The following XYLT1 variants were observed in gnomAD, a reference collection of about 807,000 sequenced individuals.
XYLT1 encodes beta-D-xylosyltransferase 1.
A neutral mutation model predicts 91.3 loss-of-function variants in XYLT1; 36 were observed. The ratio of observed to expected loss-of-function variants is 0.39; its 90% confidence interval spans 0.30 to 0.52. The LOEUF (loss-of-function observed/expected upper bound fraction) is 0.52, where lower values mean the gene tolerates loss of function less well. Among genes scored for constraint, XYLT1 ranks in the 20% least tolerant of loss-of-function variants. The pLI is 0.68. For missense variants in XYLT1, 1,242 were observed against 1,284.5 expected (o/e 0.97, Z 0.51); for synonymous variants, 588 against 532.0 (o/e 1.11, Z -1.45).
chr16:17,362,542 A>C (rs1197527895), intron 1 of XYLT1, among the ~76,000 whole-genome samples: 3 of 152,196 alleles, frequency 2.0e-5, no homozygotes, highest in Non-Finnish European at 4.4e-5. Context: ...GAGCAATGAA[A>C]CTTGTCTACA....
intron 1 of XYLT1, among the ~76,000 whole-genome samples, chr16:17,451,034 T>A (rs562366134): frequency 4.1e-4 from 62 of 152,308 alleles, no homozygotes; most frequent in African/African-American, 1.5e-3. Context: ...GGTGGAGTGA[T>A]AATAACTGCA....
At chr16:17,131,608 G>A (rs2030480173) in intron 9 of XYLT1, among the ~76,000 whole-genome samples, 3 of 152,096 alleles carry the variant, frequency 2.0e-5, no homozygotes, top group African/African-American at 7.2e-5. Flanking sequence ...CCTTATTTCT[G>A]GATGGTAGAT....
intron 3 of XYLT1, among the ~76,000 whole-genome samples, chr16:17,222,584 G>C (rs946101202): frequency 6.6e-6 from 1 of 152,094 alleles, no homozygotes; most frequent in Non-Finnish European, 1.5e-5. Flanking sequence ...GACGTCACGA[G>C]TTCAAGATCA....
intron 4 of XYLT1, 125 bp downstream of exon 4, chr16:17,200,357 G>T: frequency 8.2e-7 from 1 of 1,221,542 alleles, no homozygotes; most frequent in Non-Finnish European, 1.2e-6. Flanking sequence ...AGAGGCAGCT[G>T]GTCAGCTTCC....
chr16:17,162,350 C>T (rs973231350), intron 5 of XYLT1, among the ~76,000 whole-genome samples: 1 of 148,128 alleles, frequency 6.8e-6, no homozygotes, highest in Non-Finnish European at 1.5e-5. Context: ...GTGGAGGTTG[C>T]AGTGAACACA....
intron 5 of XYLT1, among the ~76,000 whole-genome samples, chr16:17,181,828 C>T (rs1245342189): frequency 6.6e-6 from 1 of 152,044 alleles, no homozygotes; most frequent in Non-Finnish European, 1.5e-5. Context: ...GATGAGTTAC[C>T]CCAACCGCTT....
intron 3 of XYLT1, among the ~76,000 whole-genome samples, chr16:17,230,485 C>T (rs1329370793): frequency 6.6e-6 from 1 of 152,220 alleles, no homozygotes; most frequent in Non-Finnish European, 1.5e-5. Context: ...TGGTCCTGCT[C>T]TGCACCCTGA....
chr16:17,164,066 A>AAAAAAAAG (rs2031621679), intron 5 of XYLT1, among the ~76,000 whole-genome samples: 1 of 147,426 alleles, frequency 6.8e-6, no homozygotes, highest in Non-Finnish European at 1.5e-5. Context: ...AAAAAAAAAA[A>AAAAAAAAG]AAAGAAAGAC....
At chr16:17,278,769 T>C (rs1407633321) in intron 2 of XYLT1, among the ~76,000 whole-genome samples, 4 of 152,158 alleles carry the variant, frequency 2.6e-5, no homozygotes, top group Non-Finnish European at 5.9e-5. Flanking sequence ...GAAAGGGGGT[T>C]ACATGACTCA....
At position 17,117,761 on chromosome 16, in the gene XYLT1, C is replaced by A. The variant is rs199727985; in HGVS notation, c.2442G>T (p.Leu814Phe). 116 of 1,614,052 alleles carry A rather than the reference C, an allele frequency of 7.2e-5. 1 individual carries two copies. The highest frequency in any genetic ancestry group is 6.6e-4 in the Middle Eastern group (4 of 6,084). ...CTGTCCAGACCCCAGGCCTCAGGGG[C>A]AAGTTCAAAGGGGGCTTGTAGTGTG... Reference protein sequence around the residue: ...EFTHYKPPLNLPLRPGVWTVK... With the variant: ...EFTHYKPPLNFPLRPGVWTVK... The change falls in exon 11 of 12, where the codon TTG becomes TTT. Residue 814 changes from leucine (L) to phenylalanine (F), a missense_variant. Physicochemically the swap from Leu to Phe is conservative, Grantham distance 22. Transcript: ENST00000261381.
intron 1 of XYLT1, among the ~76,000 whole-genome samples, chr16:17,419,159 T>A (rs978892417): frequency 6.6e-6 from 1 of 151,646 alleles, no homozygotes; most frequent in African/African-American, 2.4e-5. Flanking sequence ...CTGCTTCCTT[T>A]GATTTGAGTA....
chr16:17,259,587 T>C, intron 2 of XYLT1, 89 bp from the exon 3 acceptor site: 1 of 1,478,574 alleles, frequency 6.8e-7, no homozygotes, highest in Non-Finnish European at 9.1e-7. Context: ...TCATACGGAC[T>C]TGGAAGCCGG....
intron 3 of XYLT1, among the ~76,000 whole-genome samples, chr16:17,226,852 C>T (rs372926466): frequency 6.6e-6 from 1 of 152,160 alleles, no homozygotes; most frequent in Admixed American, 6.5e-5. Context: ...TTTAGATAGA[C>T]CTGGGTCCAT....
chr16:17,263,471 C>T (rs1445838675), intron 2 of XYLT1, among the ~76,000 whole-genome samples: 1 of 151,942 alleles, frequency 6.6e-6, no homozygotes, highest in African/African-American at 2.4e-5. Context: ...TCTGCCTGGC[C>T]CCAGATGCTA....
intron 1 of XYLT1, among the ~76,000 whole-genome samples, chr16:17,461,212 T>C (rs888363111): frequency 2.2e-4 from 33 of 152,348 alleles, no homozygotes; most frequent in African/African-American, 7.9e-4. Flanking sequence ...TGGACAGTTC[T>C]GGGATGGCAG....
intron 10 of XYLT1, among the ~76,000 whole-genome samples, chr16:17,121,115 G>A (rs2030040911): frequency 6.6e-6 from 1 of 152,202 alleles, no homozygotes; most frequent in Non-Finnish European, 1.5e-5. Context: ...GTTTCCAACA[G>A]ATACTAACAA....
At chr16:17,343,312 T>C (rs989172626) in intron 2 of XYLT1, among the ~76,000 whole-genome samples, 1 of 152,152 alleles carries the variant, frequency 6.6e-6, no homozygotes, top group East Asian at 1.9e-4. Flanking sequence ...GCCTCCGGGA[T>C]TGTGCCACGA....
At chr16:17,319,249 C>A (rs1040014384) in intron 2 of XYLT1, among the ~76,000 whole-genome samples, 6 of 152,144 alleles carry the variant, frequency 3.9e-5, no homozygotes, top group African/African-American at 1.4e-4. Context: ...TATCAGAATG[C>A]CTGGAACTTA....
intron 1 of XYLT1, among the ~76,000 whole-genome samples, chr16:17,381,448 G>A (rs1480155758): frequency 8.1e-6 from 1 of 122,906 alleles, no homozygotes; most frequent in African/African-American, 3.3e-5. Context: ...TTTTTGAAAT[G>A]GAGTCTCACT....
Sources: allele counts gnomAD v4.1 joint callset (sites outside exome capture counted in the v4.1 genomes callset), GRCh38; gene constraint gnomAD v4.1.1; transcripts MANE v1.5; gene names NCBI Gene and HGNC (gene_info 2026-07-23, HGNC 2026-07-21).